CASD1: variants seen among roughly 807,000 people sequenced by gnomAD.
CASD1 encodes N-acetylneuraminate (7)9-O-acetyltransferase.
A neutral mutation model predicts 100.0 loss-of-function variants in CASD1; 41 were observed. The ratio of observed to expected loss-of-function variants is 0.41; its 90% CI spans 0.32 to 0.53. CASD1 has a LOEUF of 0.53. Ranked by LOEUF, CASD1 falls within the 20% of genes least tolerant of loss-of-function variation. The pLI, the probability that CASD1 is intolerant of heterozygous loss-of-function variation, is 0.25. For synonymous variants in CASD1, 321 were observed against 315.6 expected, an observed-to-expected ratio of 1.02 and a Z score of -0.18; for missense variants, 774 against 948.7, an observed-to-expected ratio of 0.82 and a Z score of 2.42.
chr7:94,628,386 A>G, the CASD1 span: 68 of 1,563,530 alleles, frequency 4.3e-5, no homozygotes, highest in Non-Finnish European at 5.8e-5. Context: ...GAATTAAGAC[A>G]TAAGACAGTT....
the CASD1 span, chr7:94,589,287 A>T: frequency 6.3e-6 from 1 of 159,376 alleles, no homozygotes; most frequent in African/African-American, 2.4e-5. Flanking sequence ...TTCAGTCCCC[A>T]CATTCAATCA....
At chr7:94,583,438 A>G in the CASD1 span, among the ~76,000 whole-genome samples, 8 of 152,160 alleles carry the variant, frequency 5.3e-5, no homozygotes, top group Admixed American at 6.5e-5. Flanking sequence ...ACTAAGGTCA[A>G]TGTTTAAAAG....
At chr7:94,570,409 A>G in the CASD1 span, among the ~76,000 whole-genome samples, 1 of 152,104 alleles carries the variant, frequency 6.6e-6, no homozygotes, top group Admixed American at 6.6e-5. Flanking sequence ...CTTCTATACA[A>G]CTGTATCCCC....
chr7:94,585,504 G>A, the CASD1 span: 1 of 1,605,070 alleles, frequency 6.2e-7, no homozygotes, highest in Non-Finnish European at 8.5e-7. Flanking sequence ...TTTCTTCAGG[G>A]ATACCATTTA....
At chr7:94,567,346 G>T in the CASD1 span, among the ~76,000 whole-genome samples, 1 of 152,028 alleles carries the variant, frequency 6.6e-6, no homozygotes, top group East Asian at 1.9e-4. Flanking sequence ...AGCCTCCTAT[G>T]CCCTGCTTCT....
chr7:94,586,800 C>A, the CASD1 span: 1 of 983,838 alleles, frequency 1.0e-6, no homozygotes, highest in Non-Finnish European at 1.2e-6. Flanking sequence ...CCGCACCCAG[C>A]CTCCATTTAG....
At chr7:94,624,153 G>A in the CASD1 span, 5 of 359,772 alleles carry the variant, frequency 1.4e-5, no homozygotes, top group Non-Finnish European at 2.3e-5. Flanking sequence ...GGACACATCT[G>A]CAGTACCTCA....
chr7:94,572,906 A>G, the CASD1 span, among the ~76,000 whole-genome samples: 1 of 152,052 alleles, frequency 6.6e-6, no homozygotes, highest in Non-Finnish European at 1.5e-5. Context: ...TTGATTTTTT[A>G]TATGGTGTAA....
the CASD1 span, among the ~76,000 whole-genome samples, chr7:94,574,112 C>T: frequency 3.3e-5 from 5 of 151,998 alleles, no homozygotes; most frequent in African/African-American, 4.8e-5. Context: ...TTTTGATGTG[C>T]GCTGGATTCA....
chr7:94,563,220 G>A, the CASD1 span, among the ~76,000 whole-genome samples: 1 of 152,120 alleles, frequency 6.6e-6, no homozygotes, highest in Non-Finnish European at 1.5e-5. Flanking sequence ...CACAAGAAAA[G>A]TGGTTATACT....
chr7:94,559,828 A>T (rs1393277731), downstream of CASD1, among the ~76,000 whole-genome samples: 1 of 152,186 alleles, frequency 6.6e-6, no homozygotes, highest in Non-Finnish European at 1.5e-5. Flanking sequence ...CCCAGCCAAA[A>T]ATGTATTAAA....
chr7:94,563,244 C>G, the CASD1 span, among the ~76,000 whole-genome samples: 340 of 152,244 alleles, frequency 2.2e-3, no homozygotes, highest in African/African-American at 7.8e-3. Flanking sequence ...TCCCTCCTTA[C>G]CCCCTTTTCC....
the CASD1 span, among the ~76,000 whole-genome samples, chr7:94,574,892 C>G: frequency 6.6e-6 from 1 of 152,104 alleles, no homozygotes; most frequent in South Asian, 2.1e-4. Flanking sequence ...ATGGCATGAA[C>G]CCGGGAGGCA....
chr7:94,607,027 CA>C, the CASD1 span, among the ~76,000 whole-genome samples: 230 of 151,262 alleles, frequency 1.5e-3, 3 homozygotes, highest in South Asian at 0.017. Context: ...GATCTAAAAT[CA>C]ATAATTGAAA....
intron 3 of CASD1, among the ~76,000 whole-genome samples, chr7:94,525,151 G>A (rs140910902): frequency 0.012 from 1,754 of 152,238 alleles, 34 homozygotes; most frequent in African/African-American, 0.04. Flanking sequence ...AGGGAGAAAG[G>A]TAAAGCTGGT....
chr7:94,629,807 C>T, the CASD1 span: 1 of 1,611,024 alleles, frequency 6.2e-7, no homozygotes, highest in Non-Finnish European at 8.5e-7. Flanking sequence ...GGTATACATT[C>T]CGATCGGAGT....
At chr7:94,522,987 AC>A (rs1794367748) in intron 3 of CASD1, among the ~76,000 whole-genome samples, 1 of 152,168 alleles carries the variant, frequency 6.6e-6, no homozygotes, top group African/African-American at 2.4e-5. Flanking sequence ...CGTGTATTAC[AC>A]CATTAAGCAA....
the CASD1 span, among the ~76,000 whole-genome samples, chr7:94,606,682 T>C: frequency 2.0e-4 from 30 of 152,178 alleles, no homozygotes; most frequent in Non-Finnish European, 3.1e-4. Flanking sequence ...ACATTCTTCT[T>C]AAGTACACAT....
the CASD1 span, among the ~76,000 whole-genome samples, chr7:94,607,837 G>C: frequency 6.6e-6 from 1 of 152,170 alleles, no homozygotes; most frequent in Non-Finnish European, 1.5e-5. Flanking sequence ...ATTAAATACT[G>C]TCTTTCTTTG....
Sources: gnomAD v4.1 joint callset for allele counts (sites outside exome capture counted in the v4.1 genomes callset) on GRCh38, gnomAD v4.1.1 for gene constraint, MANE v1.5 for transcripts, NCBI Gene and HGNC (gene_info 2026-07-23, HGNC 2026-07-21) for gene names.